TPRG1: variants seen among roughly 807,000 people sequenced by gnomAD.
TPRG1 encodes tumor protein p63-regulated gene 1 protein.
Under a neutral mutation model 29.3 loss-of-function variants are expected in TPRG1, and 29 were observed. The ratio of observed to expected loss-of-function variants is 0.99; its 90% CI spans 0.74 to 1.35. TPRG1 has a LOEUF of 1.35. Among genes scored for constraint, TPRG1 ranks in the 40% most tolerant of loss-of-function variants. TPRG1 has a pLI of 0.00. For synonymous variants in TPRG1, 130 were observed against 116.8 expected, an observed-to-expected ratio of 1.11 and a Z score of -0.73; for missense variants, 327 against 335.0, an observed-to-expected ratio of 0.98 and a Z score of 0.19.
intron 5 of TPRG1, among the ~76,000 whole-genome samples, chr3:189,151,706 C>T (rs1578554813): frequency 6.6e-6 from 1 of 152,028 alleles, no homozygotes; most frequent in African/African-American, 2.4e-5. Context: ...TATGGTGAAA[C>T]CCTGTCTCTA....
chr3:189,153,769 T>C (rs887507982), intron 5 of TPRG1, among the ~76,000 whole-genome samples: 2 of 152,144 alleles, frequency 1.3e-5, no homozygotes, highest in African/African-American at 4.8e-5. Flanking sequence ...CTGGCTCGTA[T>C]AGGCAAAAAG....
intron 4 of TPRG1, among the ~76,000 whole-genome samples, chr3:189,284,057 T>C (rs1476463364): frequency 6.6e-6 from 1 of 152,178 alleles, no homozygotes; most frequent in Non-Finnish European, 1.5e-5. Context: ...GATGCACCAA[T>C]ATTACAAGGA....
intron 2 of TPRG1, among the ~76,000 whole-genome samples, chr3:189,129,047 C>T (rs1177072118): frequency 6.6e-6 from 1 of 152,168 alleles, no homozygotes; most frequent in African/African-American, 2.4e-5. Flanking sequence ...CTTATCTACC[C>T]GTGGAACAAT....
intron 5 of TPRG1, chr3:189,151,006 C>T (rs1294069116): frequency 6.6e-6 from 1 of 152,196 alleles, no homozygotes; most frequent in Non-Finnish European, 1.5e-5. Flanking sequence ...CCCCGAGGAT[C>T]TTCCATTTCT....
At chr3:189,083,716 T>C (rs1358499194) in intron 4 of TPRG1, among the ~76,000 whole-genome samples, 4 of 152,218 alleles carry the variant, frequency 2.6e-5, no homozygotes, top group Non-Finnish European at 4.4e-5. Flanking sequence ...AAGTTTCTAC[T>C]GCCAAATTCT....
At chr3:189,207,265 G>A (rs1734534023) in intron 1 of TPRG1, 111 bp from the exon 2 acceptor site, 7 of 1,452,426 alleles carry the variant, frequency 4.8e-6, no homozygotes, top group Non-Finnish European at 5.5e-6. Context: ...CATGAAGGAT[G>A]TTTTTAAGTT....
intron 4 of TPRG1, among the ~76,000 whole-genome samples, chr3:189,292,824 G>T (rs1007374634): frequency 9.2e-5 from 14 of 152,138 alleles, no homozygotes; most frequent in Admixed American, 8.5e-4. Context: ...ACCTGGCAAC[G>T]AGCAGAGATG....
chr3:189,237,654 G>A (rs1327792310), intron 3 of TPRG1, among the ~76,000 whole-genome samples: 2 of 152,136 alleles, frequency 1.3e-5, no homozygotes, highest in African/African-American at 4.8e-5. Context: ...TCCATGTTAT[G>A]AACCTAAAAT....
chr3:189,230,027 T>C (rs1221575834), intron 3 of TPRG1, among the ~76,000 whole-genome samples: 1 of 152,172 alleles, frequency 6.6e-6, no homozygotes, highest in African/African-American at 2.4e-5. Flanking sequence ...CTTCCTTGGC[T>C]TCTGATCAAG....
chr3:189,070,283 G>A (rs1716732731), intron 4 of TPRG1, among the ~76,000 whole-genome samples: 1 of 152,080 alleles, frequency 6.6e-6, no homozygotes, highest in African/African-American at 2.4e-5. Flanking sequence ...GCAGGAGAGG[G>A]GTGAGTATCA....
At chr3:189,005,223 A>T (rs928328915) in intron 3 of TPRG1, among the ~76,000 whole-genome samples, 1 of 152,164 alleles carries the variant, frequency 6.6e-6, no homozygotes, top group African/African-American at 2.4e-5. Flanking sequence ...CTTACTCGGC[A>T]GATCATAAGC....
At chr3:189,035,830 A>G (rs535318101) in intron 4 of TPRG1, among the ~76,000 whole-genome samples, 4 of 152,292 alleles carry the variant, frequency 2.6e-5, no homozygotes, top group African/African-American at 9.6e-5. Flanking sequence ...TGGGAATGTA[A>G]ATTAGTGCAT....
intron 3 of TPRG1, among the ~76,000 whole-genome samples, chr3:189,228,939 A>G (rs1204664363): frequency 3.3e-5 from 5 of 152,222 alleles, no homozygotes; most frequent in African/African-American, 9.6e-5. Flanking sequence ...ATACAAGATC[A>G]GCACCATAAG....
At chr3:189,007,132 T>C (rs1366537843) in intron 3 of TPRG1, among the ~76,000 whole-genome samples, 1 of 151,934 alleles carries the variant, frequency 6.6e-6, no homozygotes, top group African/African-American at 2.4e-5. Context: ...GGAGAAAATT[T>C]TCGCAACCTA....
chr3:189,077,240 T>C (rs1717239325), intron 4 of TPRG1, among the ~76,000 whole-genome samples: 1 of 152,164 alleles, frequency 6.6e-6, no homozygotes, highest in East Asian at 1.9e-4. Context: ...TATGGTATAT[T>C]ATTAATTCAA....
intron 4 of TPRG1, among the ~76,000 whole-genome samples, chr3:189,280,467 G>A (rs1199248481): frequency 6.6e-6 from 1 of 152,070 alleles, no homozygotes; most frequent in Admixed American, 6.6e-5. Context: ...AATAGGAATT[G>A]AAAAACTTAG....
chr3:189,038,873 A>T (rs947609429), intron 4 of TPRG1, among the ~76,000 whole-genome samples: 1 of 152,186 alleles, frequency 6.6e-6, no homozygotes, highest in African/African-American at 2.4e-5. Context: ...GACATCCCCA[A>T]CATCATAAGT....
intron 1 of TPRG1, among the ~76,000 whole-genome samples, chr3:189,105,894 A>G (rs976139978): frequency 6.6e-6 from 1 of 152,080 alleles, no homozygotes; most frequent in African/African-American, 2.4e-5. Flanking sequence ...CCACTGGGGC[A>G]TGTTGGGTTT....
At chr3:189,131,948 G>A (rs1280663070) in intron 2 of TPRG1, among the ~76,000 whole-genome samples, 1 of 152,122 alleles carries the variant, frequency 6.6e-6, no homozygotes, top group Non-Finnish European at 1.5e-5. Flanking sequence ...ACTAAGATTT[G>A]CTGTGACTGC....
Sources: allele counts gnomAD v4.1 joint callset (sites outside exome capture counted in the v4.1 genomes callset), GRCh38; gene constraint gnomAD v4.1.1; transcripts MANE v1.5; gene names NCBI Gene and HGNC (gene_info 2026-07-23, HGNC 2026-07-21).